Variants in DPYD observed in about 807,000 individuals in gnomAD.
The protein encoded by DPYD is dihydropyrimidine dehydrogenase.
Under a neutral mutation model 116.2 loss-of-function variants are expected in DPYD, and 109 were observed. That is an observed-to-expected ratio of 0.94 (90% confidence interval 0.80 to 1.10). The LOEUF is 1.10. Among genes scored for constraint, DPYD ranks in the 50% least tolerant of loss-of-function variants. DPYD has a pLI of 0.00. For missense variants in DPYD, 1,302 were observed against 1,254.5 expected, an observed-to-expected ratio of 1.04 and a Z score of -0.57; for synonymous variants, 440 against 432.0, an observed-to-expected ratio of 1.02 and a Z score of -0.23.
At chr1:97,890,242 T>C (rs1672711088) in intron 1 of DPYD, among the ~76,000 whole-genome samples, 1 of 151,974 alleles carries the variant, frequency 6.6e-6, no homozygotes. Flanking sequence ...TAATTTACAT[T>C]GGTTAATTGT....
At chr1:97,507,663 T>G (rs1647445653) in intron 13 of DPYD, among the ~76,000 whole-genome samples, 1 of 152,016 alleles carries the variant, frequency 6.6e-6, no homozygotes, top group South Asian at 2.1e-4. Context: ...TGTGAAATTT[T>G]CAACTTTAAA....
At chr1:97,677,267 T>C (rs1660195463) in intron 8 of DPYD, among the ~76,000 whole-genome samples, 1 of 152,188 alleles carries the variant, frequency 6.6e-6, no homozygotes, top group Non-Finnish European at 1.5e-5. Context: ...CAAAGATTCT[T>C]TGTAGATGAA....
At chr1:97,108,202 C>T (rs184222379) in intron 20 of DPYD, among the ~76,000 whole-genome samples, 1 of 152,206 alleles carries the variant, frequency 6.6e-6, no homozygotes, top group East Asian at 1.9e-4. Flanking sequence ...ATATTGGAAA[C>T]AGCACTCACT....
At chr1:97,260,592 A>G (rs1663810887) in intron 18 of DPYD, among the ~76,000 whole-genome samples, 1 of 152,148 alleles carries the variant, frequency 6.6e-6, no homozygotes, top group Non-Finnish European at 1.5e-5. Context: ...ATAAAATTAG[A>G]ATGTTTCAGT....
At chr1:97,842,212 T>C (rs949744172) in intron 2 of DPYD, among the ~76,000 whole-genome samples, 6 of 151,962 alleles carry the variant, frequency 3.9e-5, no homozygotes, top group Admixed American at 3.9e-4. Flanking sequence ...TTTGGCGATA[T>C]ATAAAGTAAC....
intron 8 of DPYD, among the ~76,000 whole-genome samples, chr1:97,633,972 T>A (rs1657420665): frequency 6.6e-6 from 1 of 152,098 alleles, no homozygotes; most frequent in Admixed American, 6.6e-5. Context: ...AAAGGAAAAT[T>A]TATGCCCTGC....
At chr1:97,242,901 G>T (rs1178267828) in intron 18 of DPYD, among the ~76,000 whole-genome samples, 1 of 151,560 alleles carries the variant, frequency 6.6e-6, no homozygotes, top group East Asian at 1.9e-4. Context: ...GTGATTAAAA[G>T]AAATCCTATA....
chr1:97,188,094 C>T (rs545505398), intron 20 of DPYD, among the ~76,000 whole-genome samples: 36 of 152,106 alleles, frequency 2.4e-4, no homozygotes, highest in African/African-American at 8.0e-4. Flanking sequence ...ATTGTTTTAT[C>T]AATAACTGAG....
At chr1:97,766,784 A>G (rs1168599802) in intron 3 of DPYD, among the ~76,000 whole-genome samples, 2 of 152,240 alleles carry the variant, frequency 1.3e-5, no homozygotes, top group East Asian at 1.9e-4. Flanking sequence ...GAAAACACAC[A>G]AAGTTTTACA....
At chr1:97,386,773 A>G (rs974522892) in intron 14 of DPYD, among the ~76,000 whole-genome samples, 1 of 152,130 alleles carries the variant, frequency 6.6e-6, no homozygotes, top group Admixed American at 6.6e-5. Flanking sequence ...TCTATTTCTG[A>G]GAAATAAAGA....
intron 16 of DPYD, among the ~76,000 whole-genome samples, chr1:97,325,769 T>C (rs2101135726): frequency 6.6e-6 from 1 of 151,844 alleles, no homozygotes; most frequent in South Asian, 2.1e-4. Context: ...GTAGAGCCTA[T>C]GGAAAAATGT....
chr1:97,469,397 C>CAAAAAAAAAAAAAAAAAAAAAAAAAA (rs59090402), intron 13 of DPYD, among the ~76,000 whole-genome samples: 26 of 80,806 alleles, frequency 3.2e-4, no homozygotes, highest in African/African-American at 7.6e-4. Flanking sequence ...GCTAAAATTG[C>CAAAAAAAAAAAAAAAAAAAAAAAAAA]AAAAAAAAAA....
chr1:97,681,170 A>G (rs1011235695), intron 7 of DPYD, among the ~76,000 whole-genome samples: 1 of 152,158 alleles, frequency 6.6e-6, no homozygotes, highest in African/African-American at 2.4e-5. Context: ...CTAAAGGACA[A>G]GAGAGCTTAC....
At chr1:97,297,420 T>G in intron 18 of DPYD, among the ~76,000 whole-genome samples, 1 of 152,296 alleles carries the variant, frequency 6.6e-6, no homozygotes, top group South Asian at 2.1e-4. Context: ...ACTAAATTTT[T>G]GGGAATGCAC....
At chr1:97,583,333 A>G (rs1557815962) in intron 10 of DPYD, among the ~76,000 whole-genome samples, 1 of 152,128 alleles carries the variant, frequency 6.6e-6, no homozygotes, top group African/African-American at 2.4e-5. Flanking sequence ...TATTATTATT[A>G]TACTTTAAGA....
chr1:97,314,490 CTTTTTTTTT>C (rs66629750), intron 16 of DPYD, among the ~76,000 whole-genome samples: 2 of 123,414 alleles, frequency 1.6e-5, no homozygotes, highest in Non-Finnish European at 3.3e-5. Flanking sequence ...CTAAAGCTTT[CTTTTTTTTT>C]TTTTTTTTTT....
chr1:97,417,958 C>G (rs1206629414), intron 14 of DPYD, among the ~76,000 whole-genome samples: 1 of 152,114 alleles, frequency 6.6e-6, no homozygotes, highest in Non-Finnish European at 1.5e-5. Context: ...TTCTGGGTTG[C>G]CTTAATAAAA....
intron 12 of DPYD, among the ~76,000 whole-genome samples, chr1:97,536,309 G>A (rs992038824): frequency 6.6e-6 from 1 of 152,102 alleles, no homozygotes; most frequent in Non-Finnish European, 1.5e-5. Flanking sequence ...TCTTTTTATT[G>A]ATATTCATTG....
intron 3 of DPYD, among the ~76,000 whole-genome samples, chr1:97,749,739 T>A (rs1376768093): frequency 1.3e-5 from 2 of 152,168 alleles, no homozygotes; most frequent in Non-Finnish European, 2.9e-5. Flanking sequence ...AAGCCATATG[T>A]AATTTTTTTT....
Sources: gnomAD v4.1 joint callset for allele counts (sites outside exome capture counted in the v4.1 genomes callset) on GRCh38, gnomAD v4.1.1 for gene constraint, MANE v1.5 for transcripts, NCBI Gene and HGNC (gene_info 2026-07-23, HGNC 2026-07-21) for gene names.